Variants in COL22A1 observed in about 807,000 individuals in gnomAD.
The protein encoded by COL22A1 is collagen type XXII alpha 1 chain, also known as collagen alpha-1(XXII) chain.
In COL22A1, 221 loss-of-function variants were observed where a neutral mutation model predicts 248.9. The ratio of observed to expected loss-of-function variants is 0.89; its 90% CI spans 0.80 to 0.99. The LOEUF is 0.99. COL22A1 is among the 50% of genes least tolerant of loss of function. The pLI, the probability that COL22A1 is intolerant of heterozygous loss-of-function variation, is 0.00. For synonymous variants in COL22A1, 891 were observed against 793.4 expected (o/e 1.12, Z -2.07); for missense variants, 2,240 against 2,179.0 (o/e 1.03, Z -0.56).
At chr8:138,601,296 G>A (rs920197500) in intron 60 of COL22A1, among the ~76,000 whole-genome samples, 2 of 152,084 alleles carry the variant, frequency 1.3e-5, no homozygotes, top group Non-Finnish European at 2.9e-5. Flanking sequence ...GAAGATCCAG[G>A]GGGGAGAATC....
At chr8:138,696,605 G>A (rs1177340892) in intron 32 of COL22A1, among the ~76,000 whole-genome samples, 4 of 149,920 alleles carry the variant, frequency 2.7e-5, no homozygotes, top group Non-Finnish European at 5.9e-5. Context: ...GCCTCTCTCT[G>A]ATACGGCAGT....
At position 138,722,021 on chromosome 8, in the gene COL22A1, G is replaced by A. The variant is rs756913849; in HGVS notation, c.2301+15C>T. Reference sequence around the variant, plus strand: ...TTGGGTTCCCAAACTGGTGCCAACCGCATCAGTGACCAACCTTGGTTCCTG... The same window carrying A: ...TTGGGTTCCCAAACTGGTGCCAACCACATCAGTGACCAACCTTGGTTCCTG... On this transcript the variant is annotated intron_variant, in intron 26 of 64. Coordinates refer to ENST00000303045, the MANE Select transcript of COL22A1 (RefSeq NM_152888.3). 17 of 1,563,984 alleles carry A rather than the reference G, an allele frequency of 1.1e-5. No homozygotes were observed. The highest frequency in any genetic ancestry group is 7.0e-5 in the South Asian group (6 of 85,128).
chr8:138,725,209 C>T (rs773742068), intron 24 of COL22A1, among the ~76,000 whole-genome samples, 178 bp downstream of exon 24: 26 of 152,196 alleles, frequency 1.7e-4, no homozygotes, highest in Non-Finnish European at 3.1e-4. Context: ...CTAAGGGTTC[C>T]GAAGGTCGGA....
chr8:138,901,457 C>T (rs1814563170), intron 1 of COL22A1, among the ~76,000 whole-genome samples: 1 of 147,822 alleles, frequency 6.8e-6, no homozygotes, highest in Non-Finnish European at 1.5e-5. Flanking sequence ...GCCTCTACCT[C>T]CCAGGCTCTG....
chr8:138,897,829 A>G (rs113258177), intron 1 of COL22A1, among the ~76,000 whole-genome samples: 86 of 152,016 alleles, frequency 5.7e-4, no homozygotes, highest in Non-Finnish European at 1.1e-3. Flanking sequence ...ACTAGAGATC[A>G]TGTCTTTTTT....
intron 30 of COL22A1, 130 bp from the exon 31 acceptor site, chr8:138,703,477 G>A (rs909305625): frequency 4.3e-6 from 3 of 699,276 alleles, no homozygotes; most frequent in African/African-American, 1.8e-5. Flanking sequence ...GCAGGTAGGT[G>A]CACCCTGCAC....
intron 30 of COL22A1, among the ~76,000 whole-genome samples, chr8:138,703,588 G>A (rs1400691563): frequency 2.0e-5 from 3 of 152,180 alleles, no homozygotes; most frequent in Non-Finnish European, 4.4e-5. Context: ...TATCCATATT[G>A]ATATGCGTAG....
At chr8:138,896,749 G>T (rs1464023017) in intron 1 of COL22A1, among the ~76,000 whole-genome samples, 1 of 152,026 alleles carries the variant, frequency 6.6e-6, no homozygotes, top group African/African-American at 2.4e-5. Context: ...AAGGCAGGCA[G>T]ATCACCTGAG....
intron 3 of COL22A1, among the ~76,000 whole-genome samples, chr8:138,870,882 T>C (rs1007749125): frequency 1.2e-4 from 18 of 151,686 alleles, no homozygotes; most frequent in Admixed American, 3.9e-4. Context: ...TCTGTGTGCA[T>C]GTGCTTCTAT....
At chr8:138,810,858 G>A (rs935126718) in intron 9 of COL22A1, among the ~76,000 whole-genome samples, 3 of 152,126 alleles carry the variant, frequency 2.0e-5, no homozygotes, top group African/African-American at 4.8e-5. Context: ...CCGTCATCTC[G>A]TCTGTTTGTC....
chr8:138,728,855 C>T (rs1250048914), intron 23 of COL22A1, among the ~76,000 whole-genome samples: 1 of 152,092 alleles, frequency 6.6e-6, no homozygotes, highest in Non-Finnish European at 1.5e-5. Context: ...CCCCAAGGGT[C>T]AGTGACTTTT....
At chr8:138,814,193 C>T (rs1004930722) in intron 7 of COL22A1, among the ~76,000 whole-genome samples, 2 of 152,236 alleles carry the variant, frequency 1.3e-5, no homozygotes, top group African/African-American at 4.8e-5. Flanking sequence ...CATGGCAAAC[C>T]ACACCTGCAC....
intron 30 of COL22A1, among the ~76,000 whole-genome samples, chr8:138,710,937 T>A (rs1828911920): frequency 6.6e-6 from 1 of 152,148 alleles, no homozygotes; most frequent in Non-Finnish European, 1.5e-5. Flanking sequence ...CCCAGTTGAA[T>A]ATATGAATGG....
chr8:138,781,925 T>A (rs1279406493), intron 12 of COL22A1, among the ~76,000 whole-genome samples: 1 of 152,214 alleles, frequency 6.6e-6, no homozygotes, highest in Non-Finnish European at 1.5e-5. Context: ...CTATGTAAAG[T>A]TTATAAAACA....
Position 138,807,776 on chromosome 8 carries a change from C to G in COL22A1, c.1486G>C (p.Gly496Arg). Reference protein sequence around the residue: ...MGVAGPMGLPGPKGDIGAIGP... With the variant: ...MGVAGPMGLPRPKGDIGAIGP... ...GCCATGCCTGTACTGACCTTTGGAC[C>G]AGGGAGCCCCATGGGGCCAGCAACT... Residue 496 changes from glycine (G) to arginine (R), a missense_variant, in exon 10 of 65, where the codon GGT becomes CGT. Gly to Arg is a moderately radical substitution (Grantham distance 125). Transcript: ENST00000303045. 6.2e-7 allele frequency: 1 copy of G among 1,614,010 alleles called. No individual in the cohort carries two copies. Among genetic ancestry groups the G allele is most frequent in the Non-Finnish European group, 8.5e-7 (1 of 1,179,942 alleles).
chr8:138,679,564 G>T lies in COL22A1; in HGVS notation c.3072+53C>A, dbSNP rs1358867664. On this transcript the variant is annotated intron_variant, in intron 40 of 64. Coordinates refer to ENST00000303045, the MANE Select transcript of COL22A1 (RefSeq NM_152888.3). ...ATTTTGTTGTTATAAAGCTGCCTCTGCCTGTCTTGTCCTTCTGTCTTTTTG... is the reference window on the plus strand; with the variant it reads ...ATTTTGTTGTTATAAAGCTGCCTCTTCCTGTCTTGTCCTTCTGTCTTTTTG... The T allele has an allele frequency of 4.7e-6, 7 of 1,489,050 alleles. No individual in the cohort carries two copies. In the East Asian group the frequency reaches 1.4e-4, roughly 29 times the overall value. The allele number at this position is 1,489,050 out of a possible 1,614,324, so 92.2% of individuals were successfully genotyped here. A position where few individuals can be genotyped will look rare whatever the true frequency, so the allele number is the denominator to read the frequency against.
Position 138,729,915 on chromosome 8 carries a change from G to A in COL22A1, c.2140-4475C>T, listed in dbSNP as rs972941981. Reference sequence around the variant, plus strand: ...TGGGACTTCAGCTCTGGCATAACTCGCTTTGTTTCTGACACAGCCTCAGGC... The same window carrying A: ...TGGGACTTCAGCTCTGGCATAACTCACTTTGTTTCTGACACAGCCTCAGGC... On this transcript the variant is annotated intron_variant, in intron 23 of 64. Transcript: ENST00000303045. Among the ~76,000 whole-genome samples the A allele has an allele frequency of 4.1e-4, 62 of 152,268 alleles. 1 individual carries two copies. Among genetic ancestry groups the A allele is most frequent in the Middle Eastern group, 6.8e-3 (2 of 294 alleles).
chr8:138,690,702 A>G, intron 36 of COL22A1, 119 bp downstream of exon 36: 1 of 746,840 alleles, frequency 1.3e-6, no homozygotes, highest in Non-Finnish European at 2.0e-6. Flanking sequence ...CTCCGTCTGG[A>G]AAATGGGAGT....
chr8:138,597,582 G>A (rs1050147943), intron 61 of COL22A1, among the ~76,000 whole-genome samples: 2 of 152,176 alleles, frequency 1.3e-5, no homozygotes, highest in African/African-American at 4.8e-5. Context: ...GTGATTCTTA[G>A]AAGAACTTAG....
Sources: gnomAD v4.1 joint callset for allele counts (sites outside exome capture counted in the v4.1 genomes callset) on GRCh38, gnomAD v4.1.1 for gene constraint, MANE v1.5 for transcripts, NCBI Gene and HGNC (gene_info 2026-07-23, HGNC 2026-07-21) for gene names.